The following GRIN2A variants were observed in gnomAD, a reference collection of about 807,000 sequenced individuals.
The protein encoded by GRIN2A is glutamate receptor ionotropic, NMDA 2A.
Under a neutral mutation model 113.4 loss-of-function variants are expected in GRIN2A, and 22 were observed. The observed-to-expected ratio is 0.19, with a 90% CI of 0.14 to 0.28. The LOEUF (loss-of-function observed/expected upper bound fraction) is 0.28. GRIN2A is among the 10% of genes least tolerant of loss of function. The pLI is 1.00. For missense variants in GRIN2A, 1,502 were observed against 1,887.0 expected, an observed-to-expected ratio of 0.80 and a Z score of 3.78; for synonymous variants, 827 against 738.4, an observed-to-expected ratio of 1.12 and a Z score of -1.94.
chr16:9,803,381 C>T (rs530045764), intron 10 of GRIN2A, among the ~76,000 whole-genome samples: 13 of 151,694 alleles, frequency 8.6e-5, no homozygotes, highest in African/African-American at 2.7e-4. Context: ...CACTGCTGCA[C>T]TCCAGCCTGG....
intron 2 of GRIN2A, among the ~76,000 whole-genome samples, chr16:10,172,290 TG>T (rs567760309): frequency 0.011 from 1,720 of 152,372 alleles, 18 homozygotes; most frequent in Middle Eastern, 0.041. Context: ...TGATTCATCA[TG>T]GCTGCCTGGA....
At chr16:10,098,844 T>A (rs1401914345) in intron 2 of GRIN2A, among the ~76,000 whole-genome samples, 1 of 151,990 alleles carries the variant, frequency 6.6e-6, no homozygotes, top group East Asian at 1.9e-4. Context: ...CAAATTGGAT[T>A]AAATGTATAC....
intron 2 of GRIN2A, among the ~76,000 whole-genome samples, chr16:10,044,223 G>C (rs1243141594): frequency 2.6e-5 from 4 of 151,688 alleles, no homozygotes; most frequent in African/African-American, 7.3e-5. Context: ...TAGTAAATAT[G>C]GGGTTTCACA....
chr16:9,916,296 C>A (rs994152735), intron 3 of GRIN2A, among the ~76,000 whole-genome samples: 4 of 152,176 alleles, frequency 2.6e-5, no homozygotes, highest in African/African-American at 9.7e-5. Context: ...ATCCTCCCAA[C>A]AGTCAAAAGC....
chr16:9,871,103 C>T (rs1444961291), intron 4 of GRIN2A, among the ~76,000 whole-genome samples: 2 of 152,058 alleles, frequency 1.3e-5, no homozygotes, highest in East Asian at 3.9e-4. Flanking sequence ...AACAGATTTC[C>T]TGCCACGCCC....
chr16:10,044,022 T>TATATAGAGAG lies in GRIN2A; in HGVS notation c.415-105472_415-105471insCTCTCTATAT, dbSNP rs531659457. ...GTGTGTGTGTGTATATATATATATATAGAGAGAGAGAGAGAGAGAGAGAGA... is the reference window on the plus strand; with the variant it reads ...GTGTGTGTGTGTATATATATATATATATATAGAGAGAGAGAGAGAGAGAGAGAGAGAGAGA... On this transcript the variant is annotated intron_variant, in intron 2 of 12. Transcript: ENST00000330684. 3.2e-3 allele frequency among the ~76,000 whole-genome samples: 348 copies of TATATAGAGAG among 107,902 alleles called. 1 individual carries two copies. Among genetic ancestry groups the TATATAGAGAG allele is most frequent in the African/African-American group, 9.3e-3 (237 of 25,560 alleles). 70.8% of individuals were successfully genotyped at this position (107,902 alleles called of 152,430 possible). A position where few individuals can be genotyped will look rare whatever the true frequency, so the allele number is the denominator to read the frequency against.
Position 9,891,052 on chromosome 16 carries a change from C to T in GRIN2A, c.1056G>A (p.Glu352=). 6.2e-7 allele frequency: 1 copy of T among 1,613,414 alleles called. No homozygotes were observed. The highest frequency in any genetic ancestry group is 8.5e-7 in the Non-Finnish European group (1 of 1,179,370). ...GCCTGGGGTGCACCTGGTAGCCTTC[C>T]TCAGTGAAGGATAAGTCTTTGCCAT... ...TWDGKDLSFT[E]EGYQVHPRLV... is the part of the protein sequence containing the mutation. The change falls in exon 4 of 13, where the codon GAG becomes GAA. Residue 352 remains glutamate (E), a synonymous_variant. Coordinates refer to ENST00000330684, the MANE Select transcript of GRIN2A (RefSeq NM_001134407.3).
chr16:9,870,273 A>C (rs962375656), intron 4 of GRIN2A, among the ~76,000 whole-genome samples: 2 of 152,210 alleles, frequency 1.3e-5, no homozygotes, highest in Admixed American at 6.5e-5. Flanking sequence ...CTATAAATGT[A>C]ACCCAAGCTT....
intron 2 of GRIN2A, among the ~76,000 whole-genome samples, chr16:9,965,557 T>G (rs1033637415): frequency 6.6e-6 from 1 of 152,196 alleles, no homozygotes; most frequent in Non-Finnish European, 1.5e-5. Flanking sequence ...CTTAATAATT[T>G]CCTCGACACT....
At chr16:10,044,652 T>C in intron 2 of GRIN2A, among the ~76,000 whole-genome samples, 1 of 149,876 alleles carries the variant, frequency 6.7e-6, no homozygotes. Context: ...GTCTGGTTCA[T>C]ACTAGATGCT....
In GRIN2A at chr16:9,757,864, C is replaced by T. The variant is rs1168467880; in HGVS notation, c.*5285G>A. On this transcript the variant is annotated 3_prime_UTR_variant, in exon 13 of 13. Transcript: ENST00000330684. ...GAAGCATGGGTAGGTCTTTCTGGGGCAAGTGGCAAAAACAAAAAACAAAAC... is the reference window on the plus strand; with the variant it reads ...GAAGCATGGGTAGGTCTTTCTGGGGTAAGTGGCAAAAACAAAAAACAAAAC... 1 of 226,374 alleles carries T rather than the reference C, an allele frequency of 4.4e-6. No individual in the cohort carries two copies. 14.0% of individuals were successfully genotyped at this position (226,374 alleles called of 1,614,324 possible).
chr16:9,758,217 A>G lies in GRIN2A; in HGVS notation c.*4932T>C, dbSNP rs1216769995. 1.4e-5 allele frequency: 3 copies of G among 221,908 alleles called. No homozygotes were observed. The highest frequency in any genetic ancestry group is 2.7e-5 in the Non-Finnish European group (3 of 110,884). 13.7% of individuals were successfully genotyped at this position (221,908 alleles called of 1,614,324 possible). A position where few individuals can be genotyped will look rare whatever the true frequency, so the allele number is the denominator to read the frequency against. The stretch of plus-strand genomic sequence containing the variant: ...CTATACTGAAAGTACTGCTGGGCAC[A>G]GAAAGAGTGCAGGTGAGGAAAGAGG... On this transcript the variant is annotated 3_prime_UTR_variant, in exon 13 of 13. Coordinates refer to ENST00000330684, the MANE Select transcript of GRIN2A (RefSeq NM_001134407.3).
chr16:10,085,045 T>C (rs910868428), intron 2 of GRIN2A, among the ~76,000 whole-genome samples: 8 of 152,344 alleles, frequency 5.3e-5, no homozygotes, highest in South Asian at 2.1e-4. Flanking sequence ...CTAGGTACTG[T>C]TGTCATTCCC....
At chr16:10,115,317 C>A (rs1273151870) in intron 2 of GRIN2A, among the ~76,000 whole-genome samples, 1 of 152,020 alleles carries the variant, frequency 6.6e-6, no homozygotes, top group African/African-American at 2.4e-5. Context: ...TTTCTGGGGG[C>A]CTTCTTTAAA....
At chr16:10,091,457 TAC>T (rs35961930) in intron 2 of GRIN2A, among the ~76,000 whole-genome samples, 48,020 of 145,606 alleles carry the variant, frequency 0.33, 8,658 homozygotes, top group Non-Finnish European at 0.41. Flanking sequence ...TGTGTGTGTA[TAC>T]ACACACACAC....
At chr16:9,880,486 C>A (rs1014353582) in intron 4 of GRIN2A, among the ~76,000 whole-genome samples, 1 of 152,172 alleles carries the variant, frequency 6.6e-6, no homozygotes, top group Non-Finnish European at 1.5e-5. Context: ...GAGGCTCGCC[C>A]CAATAATCTC....
chr16:9,991,577 G>T (rs1025524319), intron 2 of GRIN2A, among the ~76,000 whole-genome samples: 1 of 152,066 alleles, frequency 6.6e-6, no homozygotes, highest in Non-Finnish European at 1.5e-5. Context: ...CGAGTCTCCA[G>T]TGTCTATTAT....
intron 2 of GRIN2A, among the ~76,000 whole-genome samples, chr16:10,104,106 G>A (rs184877844): frequency 1.3e-5 from 2 of 152,322 alleles, no homozygotes; most frequent in East Asian, 3.9e-4. Flanking sequence ...AGAGTAGGCA[G>A]AGGCAAAGGG....
chr16:10,138,251 T>C (rs73514632), intron 2 of GRIN2A, among the ~76,000 whole-genome samples: 3,605 of 152,308 alleles, frequency 0.024, 130 homozygotes, highest in African/African-American at 0.083. Flanking sequence ...GAAACCACAT[T>C]CGATCACTAT....
Sources: allele counts gnomAD v4.1 joint callset (sites outside exome capture counted in the v4.1 genomes callset), GRCh38; gene constraint gnomAD v4.1.1; transcripts MANE v1.5; gene names NCBI Gene and HGNC (gene_info 2026-07-23, HGNC 2026-07-21).